The following ERI1 variants were observed in gnomAD, a reference collection of about 807,000 sequenced individuals.
ERI1 encodes the protein 3'-5' exoribonuclease 1.
ERI1 carries 39 observed loss-of-function variants against 39.7 expected under a neutral mutation model. The observed-to-expected ratio is 0.98, with a 90% CI of 0.76 to 1.28. The LOEUF is 1.28. ERI1 is among the 50% of genes most tolerant of loss of function. The probability of loss-of-function intolerance (pLI) is 0.00; values close to 1 mark genes in which losing one functional copy is unlikely to be tolerated. For missense variants in ERI1, 581 were observed against 416.9 expected (o/e 1.39, Z -3.43); for synonymous variants, 204 against 149.6 (o/e 1.36, Z -2.65).
chr8:9,025,764 T>G (rs1022031093), intron 6 of ERI1, among the ~76,000 whole-genome samples: 2 of 151,982 alleles, frequency 1.3e-5, no homozygotes, highest in African/African-American at 4.8e-5. Flanking sequence ...TATCCCTAAT[T>G]GGAAATGATT....
intron 3 of ERI1, among the ~76,000 whole-genome samples, chr8:9,089,443 C>A (rs1176398929): frequency 6.6e-6 from 1 of 152,110 alleles, no homozygotes; most frequent in Non-Finnish European, 1.5e-5. Context: ...ATTCTTCTTC[C>A]TTTTCTGAGA....
intron 6 of ERI1, among the ~76,000 whole-genome samples, chr8:9,024,091 C>T (rs1461388625): frequency 4.6e-5 from 7 of 152,036 alleles, no homozygotes; most frequent in Admixed American, 3.3e-4. Context: ...TGAGCCATTG[C>T]GCCTGGCCAA....
At position 9,018,296 on chromosome 8, in the gene ERI1, G is replaced by C; in HGVS notation, c.583-1G>C. The C allele has an allele frequency of 6.3e-7, 1 of 1,590,908 alleles. No homozygotes were observed. Among genetic ancestry groups the C allele is most frequent in the South Asian group, 1.1e-5 (1 of 90,278 alleles). On this transcript the variant is annotated splice_acceptor_variant, in intron 4 of 6. Coordinates refer to ENST00000250263, the MANE Select transcript of ERI1 (RefSeq NM_153332.4). LOFTEE classifies it high-confidence loss of function. ...TGTATATTTTACTTTTATATCCTCA[G>C]GATCAGGTAGACAGAGCTGATACCT... is the stretch of plus-strand genomic sequence containing the variant.
rs1797649839 is a variant in ERI1, at chr8:9,032,380, T to C, written c.*2346T>C. On this transcript the variant is annotated 3_prime_UTR_variant, in exon 7 of 7. Coordinates refer to ENST00000250263, the MANE Select transcript of ERI1 (RefSeq NM_153332.4). ...ATTGACATAGTGGATTTCTGCTGAT[T>C]TTTTTCAAATCCGCAATCTTTATAA... is the stretch of plus-strand genomic sequence containing the variant. The C allele has an allele frequency of 6.6e-6, 1 of 152,250 alleles. No individual in the cohort carries two copies. The highest frequency in any genetic ancestry group is 2.1e-4 in the South Asian group (1 of 4,834). 9.4% of individuals were successfully genotyped at this position (152,250 alleles called of 1,614,324 possible).
intron 3 of ERI1, among the ~76,000 whole-genome samples, chr8:9,084,849 G>A (rs956437715): frequency 6.6e-6 from 1 of 152,224 alleles, no homozygotes; most frequent in African/African-American, 2.4e-5. Context: ...AGCTGAAGTG[G>A]AGAGGTGTAC....
At chr8:9,011,920 A>C (rs1816715640) in intron 3 of ERI1, among the ~76,000 whole-genome samples, 168 bp downstream of exon 3, 1 of 152,218 alleles carries the variant, frequency 6.6e-6, no homozygotes, top group Admixed American at 6.5e-5. Flanking sequence ...AGCTGTAACA[A>C]AGCAATTTTA....
intron 3 of ERI1, among the ~76,000 whole-genome samples, chr8:9,013,564 G>A (rs1448835840): frequency 1.3e-5 from 2 of 151,856 alleles, no homozygotes; most frequent in Middle Eastern, 3.4e-3. Context: ...ACATCCTTTC[G>A]CTTGATGATC....
intron 3 of ERI1, among the ~76,000 whole-genome samples, chr8:9,078,727 G>A (rs939834760): frequency 1.3e-5 from 2 of 152,112 alleles, no homozygotes; most frequent in Non-Finnish European, 2.9e-5. Flanking sequence ...TCCAGGGTGG[G>A]GTCCAGCAGA....
intron 1 of ERI1, among the ~76,000 whole-genome samples, chr8:9,006,612 C>T (rs1259577431): frequency 6.6e-6 from 1 of 152,044 alleles, no homozygotes; most frequent in African/African-American, 2.4e-5. Context: ...TCTGGTCAAG[C>T]AGAGCAATAT....
At chr8:9,034,663 A>G (rs1470545510), downstream of ERI1, among the ~76,000 whole-genome samples, 1 of 152,152 alleles carries the variant, frequency 6.6e-6, no homozygotes, top group African/African-American at 2.4e-5. Flanking sequence ...CTGAGACACA[A>G]TATTGAAATT....
chr8:9,081,993 C>T (rs551842852), intron 3 of ERI1, among the ~76,000 whole-genome samples: 12 of 152,346 alleles, frequency 7.9e-5, no homozygotes, highest in Admixed American at 3.9e-4. Flanking sequence ...TCATCTTAGT[C>T]CATCTGGACC....
intron 3 of ERI1, 129 bp from the exon 4 acceptor site, chr8:9,016,193 A>T (rs1174951067): frequency 1.1e-5 from 5 of 456,592 alleles, no homozygotes; most frequent in Non-Finnish European, 2.0e-5. Context: ...AATTATTCTT[A>T]AAAACTGGAA....
rs911258860 is a variant in ERI1, at chr8:9,030,240, A to C, written c.*206A>C. ...CTTTGTCACCAGCACTTTTGATATG[A>C]ACAGTATTCGTTACATAGTAACAGT... On this transcript the variant is annotated 3_prime_UTR_variant, in exon 7 of 7. Transcript: ENST00000250263. The C allele has an allele frequency of 2.9e-5, 18 of 617,186 alleles. No homozygotes were observed. The Admixed American group carries it at 5.1e-4, about 17-fold the overall frequency. The allele number at this position is 617,186 out of a possible 1,614,324, so 38.2% of individuals were successfully genotyped here. A position where few individuals can be genotyped will look rare whatever the true frequency, so the allele number is the denominator to read the frequency against.
chr8:9,061,792 T>C (rs2953804), intron 3 of ERI1, among the ~76,000 whole-genome samples: 1 of 148,610 alleles, frequency 6.7e-6, no homozygotes, highest in African/African-American at 2.5e-5. Context: ...AAGTAATGGG[T>C]GCTGTCCGTG....
intron 3 of ERI1, among the ~76,000 whole-genome samples, chr8:9,077,213 C>T (rs933105295): frequency 5.3e-5 from 8 of 152,312 alleles, no homozygotes; most frequent in African/African-American, 1.9e-4. Flanking sequence ...TTCTCCAGTT[C>T]TTAAATGTGA....
intron 3 of ERI1, among the ~76,000 whole-genome samples, chr8:9,074,755 C>T (rs1799155379): frequency 6.6e-6 from 1 of 152,126 alleles, no homozygotes; most frequent in Admixed American, 6.5e-5. Flanking sequence ...ATTTATTGTG[C>T]CTGCATTTAT....
At chr8:9,006,257 G>C (rs1816010997) in intron 1 of ERI1, among the ~76,000 whole-genome samples, 1 of 152,202 alleles carries the variant, frequency 6.6e-6, no homozygotes, top group Non-Finnish European at 1.5e-5. Context: ...GACCTCGGCT[G>C]TCTCTAGAAC....
chr8:9,070,705 C>T (rs563247021), intron 3 of ERI1, among the ~76,000 whole-genome samples: 1 of 152,314 alleles, frequency 6.6e-6, no homozygotes, highest in African/African-American at 2.4e-5. Context: ...TGCAAATGCA[C>T]ACAGAAAGAG....
At chr8:9,080,670 G>C (rs1799340595) in intron 3 of ERI1, among the ~76,000 whole-genome samples, 1 of 152,154 alleles carries the variant, frequency 6.6e-6, no homozygotes, top group South Asian at 2.1e-4. Context: ...CGTGTCTTTG[G>C]GTTCTAGCAG....
Sources: gnomAD v4.1 joint callset for allele counts (sites outside exome capture counted in the v4.1 genomes callset) on GRCh38, gnomAD v4.1.1 for gene constraint, MANE v1.5 for transcripts, NCBI Gene and HGNC (gene_info 2026-07-23, HGNC 2026-07-21) for gene names.